ITGBL1: variants seen among roughly 807,000 people sequenced by gnomAD.
ITGBL1 encodes the protein integrin beta-like protein 1.
A neutral mutation model predicts 68.5 loss-of-function variants in ITGBL1; 51 were observed. The observed-to-expected ratio is 0.74, with a 90% CI of 0.59 to 0.94. The LOEUF is 0.94. Among genes scored for constraint, ITGBL1 ranks in the 40% least tolerant of loss-of-function variants. The probability of loss-of-function intolerance (pLI) is 0.00; values close to 1 mark genes in which losing one functional copy is unlikely to be tolerated. For synonymous variants in ITGBL1, 209 were observed against 227.3 expected (o/e 0.92, Z 0.72); for missense variants, 649 against 647.4 (o/e 1.00, Z -0.03).
intron 2 of ITGBL1, among the ~76,000 whole-genome samples, chr13:101,564,651 ATATG>A (rs2050154002): frequency 6.7e-6 from 1 of 149,718 alleles, no homozygotes; most frequent in East Asian, 1.9e-4. Context: ...ATATACATAT[ATATG>A]ACAATGAACT....
At chr13:101,606,174 T>TTATATATATATATATA (rs4000927) in intron 7 of ITGBL1, among the ~76,000 whole-genome samples, 1 of 138,044 alleles carries the variant, frequency 7.2e-6, no homozygotes, top group African/African-American at 2.7e-5. Flanking sequence ...ATTAGGATTT[T>TTATATATATATATATA]TATATATATA....
At chr13:101,571,593 T>C (rs2050273340) in intron 3 of ITGBL1, among the ~76,000 whole-genome samples, 1 of 152,096 alleles carries the variant, frequency 6.6e-6, no homozygotes, top group Non-Finnish European at 1.5e-5. Context: ...ATCCCTCTCT[T>C]CCTCAAACCT....
intron 9 of ITGBL1, chr13:101,713,246 T>C (rs2034561032): frequency 6.6e-6 from 1 of 152,228 alleles, no homozygotes; most frequent in Middle Eastern, 3.2e-3. Flanking sequence ...ATATCTGTGA[T>C]GACCACAACT....
chr13:101,571,360 T>C (rs1244600744), intron 3 of ITGBL1, among the ~76,000 whole-genome samples: 4 of 152,132 alleles, frequency 2.6e-5, no homozygotes, highest in Non-Finnish European at 4.4e-5. Context: ...GGGTATGTAG[T>C]CGAATGACGT....
At chr13:101,689,012 G>C (rs1163151692) in intron 7 of ITGBL1, among the ~76,000 whole-genome samples, 1 of 148,530 alleles carries the variant, frequency 6.7e-6, no homozygotes, top group African/African-American at 2.5e-5. Flanking sequence ...CAGCCTGGCC[G>C]ACAGGTGTAA....
intron 7 of ITGBL1, among the ~76,000 whole-genome samples, chr13:101,689,553 C>T (rs994420012): frequency 1.3e-5 from 2 of 151,680 alleles, no homozygotes; most frequent in Admixed American, 6.6e-5. Flanking sequence ...TGCAGTGAGC[C>T]GAGATCATGC....
chr13:101,656,871 T>G (rs1247856725), intron 7 of ITGBL1, among the ~76,000 whole-genome samples: 1 of 152,170 alleles, frequency 6.6e-6, no homozygotes, highest in Non-Finnish European at 1.5e-5. Flanking sequence ...AAATATATAG[T>G]CAGGCTCCTC....
At chr13:101,461,707 T>TAA (rs1288465847) in intron 2 of ITGBL1, among the ~76,000 whole-genome samples, 7 of 151,984 alleles carry the variant, frequency 4.6e-5, no homozygotes, top group Non-Finnish European at 1.0e-4. Context: ...AAAAATAAAA[T>TAA]AAAAAATTCC....
At chr13:101,512,945 G>T (rs974598133) in intron 2 of ITGBL1, among the ~76,000 whole-genome samples, 3 of 152,070 alleles carry the variant, frequency 2.0e-5, no homozygotes, top group African/African-American at 7.2e-5. Context: ...TCTTTTGTTT[G>T]TGCTGGTGAA....
At chr13:101,638,740 C>G (rs9585741) in intron 7 of ITGBL1, among the ~76,000 whole-genome samples, 73 of 152,226 alleles carry the variant, frequency 4.8e-4, no homozygotes, top group African/African-American at 1.6e-3. Flanking sequence ...CTGGGTCCCT[C>G]CCACAACACA....
At chr13:101,596,397 T>C (rs2029971346) in intron 6 of ITGBL1, among the ~76,000 whole-genome samples, 1 of 152,204 alleles carries the variant, frequency 6.6e-6, no homozygotes, top group African/African-American at 2.4e-5. Context: ...TCTACTTGCA[T>C]TGTATGAGGA....
chr13:101,476,303 A>C (rs1239323672), intron 2 of ITGBL1, among the ~76,000 whole-genome samples: 1 of 152,138 alleles, frequency 6.6e-6, no homozygotes, highest in Non-Finnish European at 1.5e-5. Context: ...TATTATTTGC[A>C]AGCTTCATAG....
intron 7 of ITGBL1, among the ~76,000 whole-genome samples, chr13:101,606,824 A>C (rs2030888982): frequency 6.6e-6 from 1 of 152,002 alleles, no homozygotes; most frequent in Non-Finnish European, 1.5e-5. Context: ...GTTGTTTTAA[A>C]CAAGTGAGAT....
At chr13:101,591,911 C>CT (rs2050662241) in intron 6 of ITGBL1, among the ~76,000 whole-genome samples, 1 of 152,056 alleles carries the variant, frequency 6.6e-6, no homozygotes, top group African/African-American at 2.4e-5. Flanking sequence ...CCTCTACTTG[C>CT]TTATAATGTG....
chr13:101,627,893 T>G (rs748726184), intron 7 of ITGBL1, among the ~76,000 whole-genome samples: 1 of 152,216 alleles, frequency 6.6e-6, no homozygotes, highest in African/African-American at 2.4e-5. Context: ...GCAATTATAA[T>G]GTAGCTGCTG....
At chr13:101,685,100 A>G (rs2033725716) in intron 7 of ITGBL1, among the ~76,000 whole-genome samples, 1 of 152,030 alleles carries the variant, frequency 6.6e-6, no homozygotes, top group African/African-American at 2.4e-5. Context: ...TATTTCAGAC[A>G]AATTTGAGAA....
At chr13:101,564,774 A>G (rs1176249838) in intron 2 of ITGBL1, among the ~76,000 whole-genome samples, 2 of 151,152 alleles carry the variant, frequency 1.3e-5, no homozygotes, top group Non-Finnish European at 2.9e-5. Context: ...ATATGTAATT[A>G]TATATGTTAT....
chr13:101,508,166 G>T (rs1440078134), intron 2 of ITGBL1, among the ~76,000 whole-genome samples: 2 of 152,016 alleles, frequency 1.3e-5, no homozygotes, highest in Non-Finnish European at 2.9e-5. Flanking sequence ...TATGTCTCTT[G>T]GCTGTCTCCA....
At chr13:101,475,795 G>A (rs1215275558) in intron 2 of ITGBL1, among the ~76,000 whole-genome samples, 1 of 139,506 alleles carries the variant, frequency 7.2e-6, no homozygotes, top group African/African-American at 2.6e-5. Context: ...CTGATGGGGG[G>A]CAGGTGGTGG....
Sources: gnomAD v4.1 joint callset for allele counts (sites outside exome capture counted in the v4.1 genomes callset) on GRCh38, gnomAD v4.1.1 for gene constraint, MANE v1.5 for transcripts, NCBI Gene and HGNC (gene_info 2026-07-23, HGNC 2026-07-21) for gene names.